Variants in SBF2 observed in about 807,000 individuals in gnomAD.
SBF2 encodes SET binding factor 2.
Under a neutral mutation model 225.2 loss-of-function variants are expected in SBF2, and 112 were observed. The ratio of observed to expected loss-of-function variants is 0.50; its 90% CI spans 0.43 to 0.58. SBF2 has a LOEUF of 0.58. Ranked by LOEUF, SBF2 falls within the 20% of genes least tolerant of loss-of-function variation. The pLI, the probability that SBF2 is intolerant of heterozygous loss-of-function variation, is 0.00. For synonymous variants in SBF2, 763 were observed against 773.3 expected (o/e 0.99, Z 0.22); for missense variants, 1,996 against 2,206.2 (o/e 0.90, Z 1.91).
intron 2 of SBF2, among the ~76,000 whole-genome samples, chr11:10,099,988 G>A (rs1223013170): frequency 2.0e-5 from 3 of 152,124 alleles, no homozygotes; most frequent in Non-Finnish European, 2.9e-5. Context: ...GCAATACTAA[G>A]TTCTTATCTA....
chr11:9,920,204 G>GTGTGTGTGTGTA (rs544312611), intron 16 of SBF2, among the ~76,000 whole-genome samples: 2 of 115,228 alleles, frequency 1.7e-5, no homozygotes, highest in African/African-American at 5.7e-5. Flanking sequence ...GTGTGTGTGT[G>GTGTGTGTGTGTA]TATATATATA....
chr11:9,940,186 G>A (rs542299593), intron 16 of SBF2, among the ~76,000 whole-genome samples: 5 of 152,052 alleles, frequency 3.3e-5, no homozygotes, highest in Admixed American at 2.0e-4. Context: ...GGCGGATCAC[G>A]AGGTCAAGAG....
intron 13 of SBF2, among the ~76,000 whole-genome samples, chr11:9,979,732 A>C (rs963780541): frequency 1.3e-5 from 2 of 152,184 alleles, no homozygotes; most frequent in African/African-American, 4.8e-5. Flanking sequence ...CTTCTTAGTA[A>C]AGAAGCTAAT....
At chr11:9,849,905 T>C in intron 22 of SBF2, 118 bp downstream of exon 22, 1 of 960,180 alleles carries the variant, frequency 1.0e-6, no homozygotes, top group Non-Finnish European at 1.7e-6. Flanking sequence ...CCAAAATACC[T>C]GTGTGGCAAA....
chr11:10,117,886 C>A (rs1478218135), intron 2 of SBF2, among the ~76,000 whole-genome samples: 1 of 151,666 alleles, frequency 6.6e-6, no homozygotes, highest in East Asian at 1.9e-4. Context: ...TTTGTTAAAA[C>A]AAAGAATGTG....
intron 2 of SBF2, among the ~76,000 whole-genome samples, chr11:10,077,306 A>G (rs1951159139): frequency 6.6e-6 from 1 of 152,202 alleles, no homozygotes; most frequent in African/African-American, 2.4e-5. Flanking sequence ...AAACTACTTT[A>G]AAGTTCATAT....
intron 1 of SBF2, among the ~76,000 whole-genome samples, chr11:10,246,169 T>G (rs1458635485): frequency 2.6e-5 from 4 of 152,226 alleles, no homozygotes; most frequent in Non-Finnish European, 4.4e-5. Context: ...GGGAAGCTTT[T>G]GAAGGTCCTG....
intron 28 of SBF2, chr11:9,828,071 G>C (rs886846440): frequency 3.8e-6 from 4 of 1,043,694 alleles, no homozygotes; most frequent in African/African-American, 3.3e-5. Flanking sequence ...CTAGAAAAAT[G>C]CTTTCTGCTT....
At chr11:10,273,174 T>C (rs912331474) in intron 1 of SBF2, among the ~76,000 whole-genome samples, 1 of 152,230 alleles carries the variant, frequency 6.6e-6, no homozygotes, top group Admixed American at 6.5e-5. Flanking sequence ...TTTTGAATTA[T>C]TTGATAACTA....
At chr11:10,087,793 G>T (rs189122829) in intron 2 of SBF2, among the ~76,000 whole-genome samples, 1 of 152,110 alleles carries the variant, frequency 6.6e-6, no homozygotes, top group Admixed American at 6.5e-5. Flanking sequence ...ATAGTGACTG[G>T]AGTATTCCAA....
At chr11:9,854,319 A>G (rs1230633269) in intron 19 of SBF2, among the ~76,000 whole-genome samples, 7 of 152,202 alleles carry the variant, frequency 4.6e-5, no homozygotes, top group Admixed American at 4.6e-4. Context: ...AAAATCATGC[A>G]AGAGAAGGGA....
At chr11:10,301,809 T>C (rs1248485466) in intron 1 of SBF2, among the ~76,000 whole-genome samples, 1 of 152,162 alleles carries the variant, frequency 6.6e-6, no homozygotes, top group Non-Finnish European at 1.5e-5. Flanking sequence ...ATCATTCAAT[T>C]GGAATGTGAA....
In SBF2 at chr11:9,969,810, A is replaced by T. The variant is rs540078982; in HGVS notation, c.1396-1265T>A. Among the ~76,000 whole-genome samples the T allele has an allele frequency of 2.0e-5, 3 of 152,298 alleles. No individual in the cohort carries two copies. The South Asian group carries it at 6.2e-4, about 32-fold the overall frequency. ...TTATTGTCTATCCTTCTCTCCATAA[A>T]ATAAAGCTCCATGAGAGTAGACGTA... On this transcript the variant is annotated intron_variant, in intron 13 of 39. Coordinates refer to ENST00000256190, the MANE Select transcript of SBF2 (RefSeq NM_030962.4).
At chr11:10,258,081 TACACACACAC>T (rs57653852) in intron 1 of SBF2, among the ~76,000 whole-genome samples, 2,900 of 138,934 alleles carry the variant, frequency 0.021, 93 homozygotes, top group African/African-American at 0.065. Flanking sequence ...TACACACACA[TACACACACAC>T]ACACACACAC....
chr11:9,886,340 T>A (rs913856902), intron 17 of SBF2, among the ~76,000 whole-genome samples: 1 of 152,222 alleles, frequency 6.6e-6, no homozygotes, highest in African/African-American at 2.4e-5. Context: ...CATTTTGTTA[T>A]TCCATAGATT....
At chr11:10,180,115 C>T (rs1383023522) in intron 2 of SBF2, among the ~76,000 whole-genome samples, 2 of 151,920 alleles carry the variant, frequency 1.3e-5, no homozygotes, top group East Asian at 3.8e-4. Flanking sequence ...ATCTTTTAGT[C>T]TTTCTATTTA....
At chr11:10,067,698 C>T (rs1352971509) in intron 2 of SBF2, among the ~76,000 whole-genome samples, 2 of 151,974 alleles carry the variant, frequency 1.3e-5, no homozygotes, top group Non-Finnish European at 2.9e-5. Flanking sequence ...AGTTTGAGAC[C>T]AACCTGGGCA....
chr11:10,176,775 G>C (rs1451117673), intron 2 of SBF2, among the ~76,000 whole-genome samples: 1 of 152,118 alleles, frequency 6.6e-6, no homozygotes, highest in Admixed American at 6.5e-5. Context: ...AGAAGGAACT[G>C]GTACCAATCC....
intron 1 of SBF2, among the ~76,000 whole-genome samples, chr11:10,250,606 T>C (rs968209784): frequency 9.2e-5 from 14 of 152,228 alleles, no homozygotes; most frequent in Non-Finnish European, 2.1e-4. Flanking sequence ...ATAAAGGGAT[T>C]TCATTCAATT....
Sources: allele counts gnomAD v4.1 joint callset (sites outside exome capture counted in the v4.1 genomes callset), GRCh38; gene constraint gnomAD v4.1.1; transcripts MANE v1.5; gene names NCBI Gene and HGNC (gene_info 2026-07-23, HGNC 2026-07-21).